SAMD4B: variants seen among roughly 807,000 people sequenced by gnomAD.
SAMD4B encodes protein Smaug homolog 2.
SAMD4B carries 5 observed loss-of-function variants against 74.5 expected under a neutral mutation model. That is an observed-to-expected ratio of 0.07 (90% CI 0.04 to 0.14). The LOEUF is 0.14. Among genes scored for constraint, SAMD4B ranks in the 10% least tolerant of loss-of-function variants. The probability of loss-of-function intolerance (pLI) is 1.00; values close to 1 mark genes in which losing one functional copy is unlikely to be tolerated. For synonymous variants in SAMD4B, 373 were observed against 374.9 expected, an observed-to-expected ratio of 1.00 and a Z score of 0.06; for missense variants, 608 against 921.8, an observed-to-expected ratio of 0.66 and a Z score of 4.41.
At position 39,375,425 on chromosome 19, in the gene SAMD4B, G is replaced by A. The variant is rs376657061; in HGVS notation, c.668-225G>A. On this transcript the variant is annotated intron_variant, in intron 4 of 13. Coordinates refer to ENST00000610417, the MANE Select transcript of SAMD4B (RefSeq NM_001384574.2). The surrounding 1 kb of genome is among the most constrained non-coding windows in gnomAD (Gnocchi z 4.1). ...AGGGGTGCTGGTGGCTTGAGCCAGCGGAACTGGAGAAATTCAGGAAAGTGG... is the reference window on the plus strand; with the variant it reads ...AGGGGTGCTGGTGGCTTGAGCCAGCAGAACTGGAGAAATTCAGGAAAGTGG... Among the ~76,000 whole-genome samples the A allele has an allele frequency of 3.3e-5, 5 of 152,160 alleles. No individual in the cohort carries two copies. Among genetic ancestry groups the A allele is most frequent in the African/African-American group, 7.2e-5 (3 of 41,432 alleles).
rs1321075574 is a variant in SAMD4B at position 39,384,004 on chromosome 19, GA to G, written c.*479del. On this transcript the variant is annotated 3_prime_UTR_variant, in exon 14 of 14. Transcript: ENST00000610417. ...GTTATTGAGAGGAGCTGGGGAGAAG[GA>G]AGGGGAGCAAGGAGAGGAAGCTCTC... The G allele has an allele frequency of 2.4e-6, 1 of 422,866 alleles. No homozygotes were observed. The highest frequency in any genetic ancestry group is 4.2e-6 in the Non-Finnish European group (1 of 236,914). The allele number at this position is 422,866 out of a possible 1,614,324, so 26.2% of individuals were successfully genotyped here.
Position 39,357,070 on chromosome 19 carries a change from G to C in SAMD4B, c.177G>C (p.Glu59Asp). ...ACTGCAATGACATCCACCTGCTGGAGTCGGAGGCCAACAGTGCTGGTGAGT... is the reference window on the plus strand; with the variant it reads ...ACTGCAATGACATCCACCTGCTGGACTCGGAGGCCAACAGTGCTGGTGAGT... ...LADCNDIHLL[E>D]SEANSAAIVS... Residue 59 changes from glutamate (E) to aspartate (D), a missense_variant, in exon 3 of 14, where the codon GAG becomes GAC. Coordinates refer to ENST00000610417, the MANE Select transcript of SAMD4B (RefSeq NM_001384574.2). 1 of 1,611,172 alleles carries C rather than the reference G, an allele frequency of 6.2e-7. No homozygotes were observed. The highest frequency in any genetic ancestry group is 8.5e-7 in the Non-Finnish European group (1 of 1,177,686).
intron 1 of SAMD4B, among the ~76,000 whole-genome samples, chr19:39,353,756 C>G (rs2076187455): frequency 6.6e-6 from 1 of 152,090 alleles, no homozygotes; most frequent in African/African-American, 2.4e-5. Flanking sequence ...CGCCCGCCAC[C>G]ACACCCGGCT....
At chr19:39,363,297 C>T (rs916789038) in intron 3 of SAMD4B, among the ~76,000 whole-genome samples, 5 of 152,154 alleles carry the variant, frequency 3.3e-5, no homozygotes, top group Non-Finnish European at 7.3e-5. Context: ...GAGAAGCAGC[C>T]GTTGGTGTCT....
intron 12 of SAMD4B, 200 bp downstream of exon 12, chr19:39,381,313 C>T: frequency 1.7e-6 from 1 of 573,114 alleles, no homozygotes; most frequent in Non-Finnish European, 3.0e-6. Flanking sequence ...CAGGTCTTGC[C>T]CCCACCCCTC....
chr19:39,389,943 G>A, downstream of SAMD4B: 3 of 1,061,524 alleles, frequency 2.8e-6, no homozygotes, highest in Non-Finnish European at 4.3e-6. The surrounding 1 kb of genome is among the most constrained non-coding windows in gnomAD (Gnocchi z 5.3). Flanking sequence ...TAACAATTGA[G>A]CAGCTACTAC....
intron 9 of SAMD4B, 105 bp from the exon 10 acceptor site, chr19:39,379,861 C>A (rs375313984): frequency 2.0e-5 from 20 of 980,584 alleles, no homozygotes; most frequent in Non-Finnish European, 1.4e-5. Context: ...TGAGCCACCA[C>A]GCCCGGCCAG....
intron 1 of SAMD4B, among the ~76,000 whole-genome samples, chr19:39,346,075 T>TC: frequency 6.6e-6 from 1 of 152,156 alleles, no homozygotes; most frequent in East Asian, 1.9e-4. Flanking sequence ...TGGCATTTTT[T>TC]CAAGGGATTC....
intron 3 of SAMD4B, chr19:39,359,757 C>G (rs569042805): frequency 6.6e-6 from 1 of 152,218 alleles, no homozygotes; most frequent in Non-Finnish European, 1.5e-5. Flanking sequence ...AGCTCTTGAC[C>G]AATAGACTCT....
rs1189017193 is a variant in SAMD4B at position 39,383,423 on chromosome 19, C to T, written c.2057-76C>T. The T allele has an allele frequency of 1.9e-6, 3 of 1,578,684 alleles. No individual in the cohort carries two copies. The highest frequency in any genetic ancestry group is 2.6e-6 in the Non-Finnish European group (3 of 1,147,748). On this transcript the variant is annotated intron_variant, in intron 13 of 13. Coordinates refer to ENST00000610417, the MANE Select transcript of SAMD4B (RefSeq NM_001384574.2). This position sits in a 1 kb window ranked among gnomAD's most constrained non-coding sequence, Gnocchi z 4.1. ...TCCAGGGAGGGCCTGACTGGGATGA[C>T]AGGCTACCTGAGTGCCTTTTCTTGG...
downstream of SAMD4B, chr19:39,389,317 G>A: frequency 6.2e-7 from 1 of 1,614,104 alleles, no homozygotes; most frequent in Non-Finnish European, 8.5e-7. This position sits in a 1 kb window ranked among gnomAD's most constrained non-coding sequence, Gnocchi z 5.3. Context: ...TGCCATAACG[G>A]TTGAACTCAG....
At chr19:39,368,367 G>A (rs187299493) in intron 3 of SAMD4B, among the ~76,000 whole-genome samples, 20 of 152,320 alleles carry the variant, frequency 1.3e-4, no homozygotes, top group African/African-American at 4.8e-4. Flanking sequence ...ATCTACAAAA[G>A]AGAATTTGTA....
chr19:39,348,763 A>G lies in SAMD4B; in HGVS notation c.-266-5243A>G, dbSNP rs73546060. On this transcript the variant is annotated intron_variant, in intron 1 of 13. Coordinates refer to ENST00000610417, the MANE Select transcript of SAMD4B (RefSeq NM_001384574.2). ...AATCAGGAAGGAAAGTTAGGAGACAATCCATTTGTCCAGATGAGAAATGGT... is the reference window on the plus strand; with the variant it reads ...AATCAGGAAGGAAAGTTAGGAGACAGTCCATTTGTCCAGATGAGAAATGGT... 6.1e-3 allele frequency among the ~76,000 whole-genome samples: 925 copies of G among 152,300 alleles called. 9 individuals carry two copies. The highest frequency in any genetic ancestry group is 0.021 in the African/African-American group (880 of 41,566).
In SAMD4B at chr19:39,385,654, G is replaced by C. The variant is rs1279374636; in HGVS notation, c.*2127G>C. 1.9e-6 allele frequency: 1 copy of C among 539,024 alleles called. No individual in the cohort carries two copies. The highest frequency in any genetic ancestry group is 3.0e-5 in the East Asian group (1 of 33,722). The allele number at this position is 539,024 out of a possible 1,614,324, so 33.4% of individuals were successfully genotyped here. On this transcript the variant is annotated 3_prime_UTR_variant, in exon 14 of 14. Transcript: ENST00000610417. ...TTTGTTGGAGTTTCACTTGTTTAAT[G>C]GTCTGGGCTTATTTTGGAAAAAAAA... is the stretch of plus-strand genomic sequence containing the variant.
chr19:39,356,941 C>T lies in SAMD4B; in HGVS notation c.48C>T (p.Gly16=), dbSNP rs771976140. ...GCATCCTCGCTGGCTGGTTCAAAGG[C>T]TGGAATGAGTGTGAGCAGACAGTGG... ...QVGILAGWFK[G]WNECEQTVAL... The change falls in exon 3 of 14, where the codon GGC becomes GGT. Residue 16 remains glycine (G), a synonymous_variant. Transcript: ENST00000610417. 3 of 1,613,722 alleles carry T rather than the reference C, an allele frequency of 1.9e-6. No homozygotes were observed. The African/African-American group carries it at 4.0e-5, about 22-fold the overall frequency.
At chr19:39,357,333 C>G (rs1487385603) in intron 3 of SAMD4B, among the ~76,000 whole-genome samples, 1 of 152,126 alleles carries the variant, frequency 6.6e-6, no homozygotes, top group Non-Finnish European at 1.5e-5. Context: ...CTCCCCATAA[C>G]AGGAAGATCA....
rs750059145 is a variant in SAMD4B at position 39,383,187 on chromosome 19, A to G, written c.1973-21A>G. The G allele has an allele frequency of 1.9e-6, 3 of 1,609,354 alleles. No individual in the cohort carries two copies. Among genetic ancestry groups the G allele is most frequent in the Middle Eastern group, 1.7e-4 (1 of 6,054 alleles). On this transcript the variant is annotated intron_variant, in intron 12 of 13. Transcript: ENST00000610417. This position sits in a 1 kb window ranked among gnomAD's most constrained non-coding sequence, Gnocchi z 4.1. ...AGTCCAGTTGGTCCTTACCACCCCC[A>G]TTCTCCTCTCTCCCACCCAGACTGC...
At chr19:39,363,874 C>G (rs1165309537) in intron 3 of SAMD4B, among the ~76,000 whole-genome samples, 1 of 152,210 alleles carries the variant, frequency 6.6e-6, no homozygotes, top group Non-Finnish European at 1.5e-5. Context: ...TGCTGTGCCT[C>G]CACTCTGGGC....
Position 39,369,803 on chromosome 19 carries a change from C to T in SAMD4B, c.345C>T (p.Ser115=), listed in dbSNP as rs1344985793. The T allele has an allele frequency of 6.2e-7, 1 of 1,614,232 alleles. No individual in the cohort carries two copies. Among genetic ancestry groups the T allele is most frequent in the Non-Finnish European group, 8.5e-7 (1 of 1,180,040 alleles). ...AAGTGCTGGCCTACTCAATCGAGAG[C>T]AATGCTTTCATCGAGGAGAGTCGCC... ...LQKVLAYSIE[S]NAFIEESRQL... Residue 115 remains serine (S), a synonymous_variant, in exon 4 of 14, where the codon AGC becomes AGT. Transcript: ENST00000610417.
Sources: allele counts gnomAD v4.1 joint callset (sites outside exome capture counted in the v4.1 genomes callset), GRCh38; gene constraint gnomAD v4.1.1; non-coding constraint Gnocchi (gnomAD v3.1); transcripts MANE v1.5; gene names NCBI Gene and HGNC (gene_info 2026-07-23, HGNC 2026-07-21).